GLT1D1: variants seen among roughly 807,000 people sequenced by gnomAD.
GLT1D1 encodes the protein glycosyltransferase 1 domain-containing protein 1.
A neutral mutation model predicts 28.7 loss-of-function variants in GLT1D1; 21 were observed. That is an observed-to-expected ratio of 0.73 (90% CI 0.52 to 1.05). The LOEUF is 1.05. Among genes scored for constraint, GLT1D1 ranks in the 50% least tolerant of loss-of-function variants. The pLI is 0.00. For synonymous variants in GLT1D1, 147 were observed against 124.8 expected, an observed-to-expected ratio of 1.18 and a Z score of -1.19; for missense variants, 343 against 330.6, an observed-to-expected ratio of 1.04 and a Z score of -0.29.
chr12:128,982,820 G>GGCAGACAAGGGCAAGGCCA (rs1880469128), intron 7 of GLT1D1, 109 bp from the exon 12 acceptor site: 6 of 909,484 alleles, frequency 6.6e-6, no homozygotes, highest in Admixed American at 6.1e-5. Context: ...AGGCCCAGGA[G>GGCAGACAAGGGCAAGGCCA]GCAGACAAGG....
At position 128,941,027 on chromosome 12, in the gene GLT1D1, C is replaced by A. The variant is rs61566057; in HGVS notation, c.376-4299C>A. 5.3e-3 allele frequency among the ~76,000 whole-genome samples: 808 copies of A among 152,352 alleles called. 9 individuals are homozygous for A. The highest frequency in any genetic ancestry group is 0.018 in the African/African-American group (755 of 41,584). The stretch of plus-strand genomic sequence containing the variant: ...CCCTGGGTAACCACCAATCTACTTT[C>A]TGTCTCTGTGATTTGCCTGCTTTGG... On this transcript the variant is annotated intron_variant, in intron 4 of 7. Coordinates refer to ENST00000281703, the MANE Select transcript of GLT1D1 (RefSeq NM_144669.3).
chr12:128,865,865 AC>A (rs1956500249), intron 1 of GLT1D1, among the ~76,000 whole-genome samples: 3 of 150,910 alleles, frequency 2.0e-5, no homozygotes, highest in African/African-American at 7.3e-5. Context: ...AAAACCAAAA[AC>A]CCCCCCAAAA....
At chr12:128,947,252 C>T (rs1199841913) in intron 5 of GLT1D1, 86 bp from the exon 10 acceptor site, 2 of 1,493,882 alleles carry the variant, frequency 1.3e-6, no homozygotes, top group Non-Finnish European at 1.9e-6. Flanking sequence ...TAGAGTATTA[C>T]ACCCAAATTG....
intron 7 of GLT1D1, among the ~76,000 whole-genome samples, chr12:128,958,664 C>G (rs1353602824): frequency 1.6e-5 from 2 of 128,472 alleles, no homozygotes; most frequent in African/African-American, 5.8e-5. Flanking sequence ...GCAGGATAAT[C>G]ACTTGAACTC....
chr12:128,976,377 C>T (rs905848527), intron 7 of GLT1D1, among the ~76,000 whole-genome samples: 2 of 152,138 alleles, frequency 1.3e-5, no homozygotes, highest in African/African-American at 4.8e-5. Flanking sequence ...TTTACAAGCT[C>T]CCTTAGAGAG....
At chr12:128,863,687 T>A (rs116432305) in intron 1 of GLT1D1, among the ~76,000 whole-genome samples, 1,667 of 152,178 alleles carry the variant, frequency 0.011, 28 homozygotes, top group African/African-American at 0.038. Context: ...CTGGGATAAT[T>A]TCTTTATGGT....
intron 2 of GLT1D1, among the ~76,000 whole-genome samples, chr12:128,881,260 G>A (rs1464617078): frequency 2.7e-5 from 4 of 147,398 alleles, no homozygotes; most frequent in Admixed American, 6.8e-5. Context: ...GTCCAGGCGC[G>A]GTGCCTCACA....
At chr12:128,973,021 C>T (rs116819989) in intron 7 of GLT1D1, among the ~76,000 whole-genome samples, 1,613 of 152,174 alleles carry the variant, frequency 0.011, 37 homozygotes, top group African/African-American at 0.037. Context: ...ACTGAAACTT[C>T]GGAACCATTG....
chr12:128,882,533 C>T (rs959136288), intron 2 of GLT1D1, among the ~76,000 whole-genome samples: 1 of 152,130 alleles, frequency 6.6e-6, no homozygotes, highest in Non-Finnish European at 1.5e-5. Flanking sequence ...CCTACCTTGG[C>T]CTCCCAAAAT....
At chr12:128,944,448 C>A in intron 4 of GLT1D1, 1 of 1,337,618 alleles carries the variant, frequency 7.5e-7, no homozygotes, top group South Asian at 1.2e-5. Context: ...TCTTGATAAC[C>A]ATCTCTGGTT....
At chr12:128,950,192 C>G (rs1333050871) in intron 6 of GLT1D1, among the ~76,000 whole-genome samples, 1 of 152,142 alleles carries the variant, frequency 6.6e-6, no homozygotes, top group Non-Finnish European at 1.5e-5. Context: ...GATGGAGCAG[C>G]TGCAGGGAGG....
rs75920323 is a variant in GLT1D1 at position 128,983,219 on chromosome 12, G to A, written c.*129G>A. 2,455 of 814,222 alleles carry A rather than the reference G, an allele frequency of 3.0e-3. 47 individuals are homozygous for A. The African/African-American group carries it at 0.038, about 13-fold the overall frequency. 50.4% of individuals were successfully genotyped at this position (814,222 alleles called of 1,614,324 possible). Reference sequence around the variant, plus strand: ...CAGCCTCAGCGGAATCCTAGAAAATGTTAGTCGTGAGTCCCCAGAGCCACT... The same window carrying A: ...CAGCCTCAGCGGAATCCTAGAAAATATTAGTCGTGAGTCCCCAGAGCCACT... On this transcript the variant is annotated 3_prime_UTR_variant, in exon 8 of 8. Coordinates refer to ENST00000281703, the MANE Select transcript of GLT1D1 (RefSeq NM_144669.3). The surrounding 1 kb of genome is among the most constrained non-coding windows in gnomAD (Gnocchi z 4.7).
chr12:128,914,191 TGAA>T (rs904377278), intron 4 of GLT1D1, among the ~76,000 whole-genome samples: 21 of 152,188 alleles, frequency 1.4e-4, no homozygotes, highest in African/African-American at 5.1e-4. Context: ...CTTCTCTCTC[TGAA>T]GAAGTAATAG....
At chr12:128,859,716 T>C (rs1000756388) in intron 1 of GLT1D1, among the ~76,000 whole-genome samples, 1 of 152,200 alleles carries the variant, frequency 6.6e-6, no homozygotes, top group African/African-American at 2.4e-5. Context: ...TTGTGTGTAG[T>C]TGAAAATCAT....
At chr12:128,939,743 G>A (rs573479614) in intron 4 of GLT1D1, among the ~76,000 whole-genome samples, 63 of 152,088 alleles carry the variant, frequency 4.1e-4, no homozygotes, top group African/African-American at 1.5e-3. Context: ...GAGGAAAAGC[G>A]CGAGGCTGGA....
intron 6 of GLT1D1, 74 bp downstream of exon 10, chr12:128,947,532 G>GACC (rs1290042377): frequency 3.2e-6 from 5 of 1,546,786 alleles, no homozygotes. Context: ...TTACGGAGGT[G>GACC]ACGTCTTTGT....
chr12:128,947,920 C>T (rs572115959), intron 6 of GLT1D1, among the ~76,000 whole-genome samples: 1 of 152,102 alleles, frequency 6.6e-6, no homozygotes, highest in East Asian at 1.9e-4. Context: ...GGGTAGTGTT[C>T]GTAGATGACG....
intron 4 of GLT1D1, chr12:128,944,604 C>T: frequency 1.5e-5 from 11 of 742,184 alleles, no homozygotes; most frequent in Non-Finnish European, 2.3e-5. Context: ...CCTCAAAGGA[C>T]ATATTCAGGT....
chr12:128,867,417 C>CAAA (rs1319317494), intron 1 of GLT1D1, among the ~76,000 whole-genome samples: 1 of 72,906 alleles, frequency 1.4e-5, no homozygotes, highest in African/African-American at 5.7e-5. Flanking sequence ...AAAAAAAAAA[C>CAAA]AGAAAAAAAA....
Sources: allele counts gnomAD v4.1 joint callset (sites outside exome capture counted in the v4.1 genomes callset), GRCh38; gene constraint gnomAD v4.1.1; non-coding constraint Gnocchi (gnomAD v3.1); transcripts MANE v1.5; gene names NCBI Gene and HGNC (gene_info 2026-07-23, HGNC 2026-07-21).